Variants in RFPL1 observed in about 807,000 individuals in gnomAD.
RFPL1 encodes the protein ret finger protein like 1.
A neutral mutation model predicts 9.6 loss-of-function variants in RFPL1; 6 were observed. The observed-to-expected ratio is 0.62, with a 90% CI of 0.34 to 1.23. The LOEUF (loss-of-function observed/expected upper bound fraction) is 1.23, where lower values mean the gene tolerates loss of function less well. Among genes scored for constraint, RFPL1 ranks in the 50% most tolerant of loss-of-function variants. The probability of loss-of-function intolerance (pLI) is 0.03; values close to 1 mark genes in which losing one functional copy is unlikely to be tolerated. For missense variants in RFPL1, 352 were observed against 398.4 expected, an observed-to-expected ratio of 0.88 and a Z score of 0.99; for synonymous variants, 145 against 149.4, an observed-to-expected ratio of 0.97 and a Z score of 0.22.
At chr22:29,395,206 GC>G in the RFPL1 span, among the ~76,000 whole-genome samples, 4 of 152,130 alleles carry the variant, frequency 2.6e-5, no homozygotes, top group African/African-American at 9.7e-5. Flanking sequence ...TTTCACAGGG[GC>G]CGCTGTGCCT....
In RFPL1 at chr22:29,439,004, C is replaced by G. The variant is rs148063752; in HGVS notation, c.213C>G (p.Pro71=). 9.5e-5 allele frequency: 154 copies of G among 1,613,998 alleles called. No homozygotes were observed. In the African/African-American group the frequency reaches 1.9e-3, roughly 20 times the overall value. Residue 71 remains proline (P), a synonymous_variant, in exon 1 of 2, where the codon CCC becomes CCG. Transcript: ENST00000354373. ...GCATCAATTCACTGCAGAAGGAGCCCCATGGGGAGGATCTACTTTGCTGTT... is the reference window on the plus strand; with the variant it reads ...GCATCAATTCACTGCAGAAGGAGCCGCATGGGGAGGATCTACTTTGCTGTT...
the RFPL1 span, among the ~76,000 whole-genome samples, chr22:29,410,312 A>G: frequency 1.0e-5 from 1 of 96,420 alleles, no homozygotes; most frequent in African/African-American, 5.6e-5. Context: ...ATATCTATAT[A>G]TAGATATATA....
At chr22:29,436,729 A>C (rs947109276), upstream of RFPL1, 1 of 152,202 alleles carries the variant, frequency 6.6e-6, no homozygotes, top group Admixed American at 6.5e-5. Context: ...ATGTCAACTG[A>C]AAGTAAAGAG....
chr22:29,388,136 C>T, the RFPL1 span, among the ~76,000 whole-genome samples: 1 of 152,234 alleles, frequency 6.6e-6, no homozygotes, highest in African/African-American at 2.4e-5. Context: ...AAGAGTTTTC[C>T]CTCAGGCCAG....
chr22:29,442,412 AATGT>A, exon 2 of RFPL1: 1 of 247,476 alleles, frequency 4.0e-6, no homozygotes, highest in Non-Finnish European at 7.7e-6. Context: ...AGTTCAAATT[AATGT>A]ATTATAGAAG....
chr22:29,419,746 G>A, the RFPL1 span, among the ~76,000 whole-genome samples: 6 of 149,342 alleles, frequency 4.0e-5, no homozygotes, highest in Non-Finnish European at 1.5e-5. Context: ...AGGCTGCCAT[G>A]AGCCATGACA....
chr22:29,393,305 G>C, the RFPL1 span, among the ~76,000 whole-genome samples: 1 of 152,156 alleles, frequency 6.6e-6, no homozygotes, highest in Non-Finnish European at 1.5e-5. Flanking sequence ...AGACCAGTGG[G>C]TAGAACTGAT....
At chr22:29,436,536 G>A (rs1430249333), upstream of RFPL1, 2 of 150,518 alleles carry the variant, frequency 1.3e-5, no homozygotes, top group African/African-American at 2.4e-5. Flanking sequence ...GGAGCCGGAT[G>A]TTGCAGTGAT....
upstream of RFPL1, chr22:29,433,636 G>A (rs936312848): frequency 2.6e-5 from 4 of 152,336 alleles, no homozygotes; most frequent in Non-Finnish European, 5.9e-5. Flanking sequence ...CATTAAATAG[G>A]GGCATTAGCT....
chr22:29,427,456 T>G, the RFPL1 span, among the ~76,000 whole-genome samples: 1 of 152,188 alleles, frequency 6.6e-6, no homozygotes, highest in African/African-American at 2.4e-5. Context: ...TGGCCCCGAT[T>G]CCTAACTGAA....
rs776282061 is a variant in RFPL1, at chr22:29,441,523, CTTTT to C, written c.374-15_374-12del. On this transcript the variant is annotated splice_polypyrimidine_tract_variant and intron_variant, in intron 1 of 1. Coordinates refer to ENST00000354373, the Ensembl canonical transcript of RFPL1. Reference sequence around the variant, plus strand: ...TGGCTTCTGTCCATTTTCTGATCAACTTTTTTTCCTTTTCACAGTGGATATGACC... The same window carrying C: ...TGGCTTCTGTCCATTTTCTGATCAACTTTCCTTTTCACAGTGGATATGACC... 18 of 1,601,530 alleles carry C rather than the reference CTTTT, an allele frequency of 1.1e-5. No homozygotes were observed. In the East Asian group the frequency reaches 4.0e-4, roughly 36 times the overall value.
the RFPL1 span, among the ~76,000 whole-genome samples, chr22:29,417,423 T>C: frequency 2.1e-3 from 313 of 150,540 alleles, no homozygotes; most frequent in African/African-American, 3.2e-3. Flanking sequence ...GCTTGGGGGG[T>C]GATCCATGGG....
the RFPL1 span, among the ~76,000 whole-genome samples, chr22:29,401,579 C>G: frequency 6.6e-6 from 1 of 152,324 alleles, no homozygotes; most frequent in Non-Finnish European, 1.5e-5. Context: ...GTCTAATCAC[C>G]AAGCACTTCC....
the RFPL1 span, among the ~76,000 whole-genome samples, chr22:29,394,134 G>A: frequency 1.3e-5 from 2 of 152,142 alleles, no homozygotes; most frequent in Non-Finnish European, 2.9e-5. Context: ...TTTTCTCCAA[G>A]CCCCAGTGTT....
At chr22:29,406,250 G>T in the RFPL1 span, among the ~76,000 whole-genome samples, 1 of 128,050 alleles carries the variant, frequency 7.8e-6, no homozygotes, top group Non-Finnish European at 1.6e-5. Context: ...AGCCATACAC[G>T]CTCCCTCTCT....
At chr22:29,430,029 G>A in the RFPL1 span, among the ~76,000 whole-genome samples, 2 of 139,120 alleles carry the variant, frequency 1.4e-5, no homozygotes, top group Non-Finnish European at 3.4e-5. Flanking sequence ...TTTCCAGCAC[G>A]TTGGATGTAT....
At chr22:29,423,256 G>A in the RFPL1 span, 7 of 1,281,694 alleles carry the variant, frequency 5.5e-6, no homozygotes, top group Admixed American at 1.7e-5. Context: ...ATGGTGCAGA[G>A]GGAGGAGGAG....
exon 2 of RFPL1, chr22:29,441,945 T>C (rs767358717): frequency 3.7e-6 from 6 of 1,613,774 alleles, no homozygotes; most frequent in Non-Finnish European, 5.1e-6. Flanking sequence ...TTTCCTTTTT[T>C]GATGCTGAAG....
the RFPL1 span, among the ~76,000 whole-genome samples, chr22:29,391,411 G>A: frequency 2.6e-5 from 4 of 152,078 alleles, no homozygotes; most frequent in African/African-American, 9.7e-5. Flanking sequence ...CAACTTTCTG[G>A]AGGAACTGCC....
Sources: allele counts gnomAD v4.1 joint callset (sites outside exome capture counted in the v4.1 genomes callset), GRCh38; gene constraint gnomAD v4.1.1; transcripts MANE v1.5; gene names NCBI Gene and HGNC (gene_info 2026-07-23, HGNC 2026-07-21).